The following PCDH20 variants were observed in gnomAD, a reference collection of about 807,000 sequenced individuals.
The protein encoded by PCDH20 is protocadherin-20.
In PCDH20, 18 loss-of-function variants were observed where a neutral mutation model predicts 39.7. The observed-to-expected ratio is 0.45, with a 90% CI of 0.31 to 0.67. The LOEUF is 0.67. PCDH20 is among the 30% of genes least tolerant of loss of function. The pLI, the probability that PCDH20 is intolerant of heterozygous loss-of-function variation, is 0.05. For missense variants in PCDH20, 1,161 were observed against 1,167.4 expected (o/e 0.99, Z 0.08); for synonymous variants, 495 against 455.4 (o/e 1.09, Z -1.11).
chr13:61,415,135 G>T, exon 1 of PCDH20: 2 of 1,491,206 alleles, frequency 1.3e-6, no homozygotes, highest in Admixed American at 2.2e-5. Flanking sequence ...CCTGTGAGCT[G>T]CGCGCATTCC....
chr13:61,413,949 G>A, exon 2 of PCDH20: 1 of 1,607,452 alleles, frequency 6.2e-7, no homozygotes, highest in Non-Finnish European at 8.5e-7. Flanking sequence ...CCACGAAGAG[G>A]AAAAACAGAA....
chr13:61,413,578 T>G (rs1490583737), exon 2 of PCDH20: 2 of 1,613,570 alleles, frequency 1.2e-6, no homozygotes, highest in Non-Finnish European at 1.7e-6. Flanking sequence ...AAGACAAGAG[T>G]CAGAAGGAGA....
chr13:61,413,713 T>G (rs558635709), exon 2 of PCDH20: 2 of 1,613,948 alleles, frequency 1.2e-6, no homozygotes, highest in East Asian at 2.2e-5. Context: ...GGTCACGTAC[T>G]GGCCACTCAG....
exon 2 of PCDH20, chr13:61,410,986 C>T (rs1201420284): frequency 4.3e-6 from 1 of 232,348 alleles, no homozygotes; most frequent in East Asian, 8.3e-5. Context: ...ATGAAAGCTG[C>T]AAACCATGTC....
exon 2 of PCDH20, chr13:61,411,856 T>C: frequency 6.2e-7 from 1 of 1,614,040 alleles, no homozygotes. Flanking sequence ...ATAAGACATA[T>C]TAGACTGAGG....
Position 61,412,229 on chromosome 13 carries a change from TG to T in PCDH20, c.1869del (p.Thr624LeufsTer37). ...TTATCCAACACTGTGAGGGCCACAG[TG>T]GCTACTGATTCTCTGGGTGGCTTCC... On this transcript the variant is annotated frameshift_variant, in exon 2 of 2. Coordinates refer to ENST00000409204, the Ensembl canonical transcript of PCDH20. LOFTEE classifies it low-confidence loss of function (END_TRUNC). 3 of 1,614,172 alleles carry T rather than the reference TG, an allele frequency of 1.9e-6. No homozygotes were observed. Among genetic ancestry groups the T allele is most frequent in the Non-Finnish European group, 2.5e-6 (3 of 1,180,012 alleles).
exon 2 of PCDH20, chr13:61,413,454 C>G (rs201107730): frequency 6.2e-7 from 1 of 1,614,002 alleles, no homozygotes; most frequent in East Asian, 2.2e-5. Flanking sequence ...GGACCCACAC[C>G]GAGATCTGGG....
chr13:61,410,343 A>G (rs1053177082), exon 2 of PCDH20: 1 of 152,160 alleles, frequency 6.6e-6, no homozygotes, highest in African/African-American at 2.4e-5. Flanking sequence ...AGTCTAATAT[A>G]TAACCCAAGT....
chr13:61,414,007 G>A, intron 1 of PCDH20, 41 bp from the exon 2 acceptor site: 3 of 1,518,660 alleles, frequency 2.0e-6, no homozygotes, highest in Non-Finnish European at 2.7e-6. Context: ...ACACACACGG[G>A]GAAATAGGGG....
At chr13:61,413,148 G>A in exon 2 of PCDH20, 1 of 1,614,140 alleles carries the variant, frequency 6.2e-7, no homozygotes, top group Non-Finnish European at 8.5e-7. Flanking sequence ...TGAAGAGAGG[G>A]CAATTGTCAT....
exon 2 of PCDH20, chr13:61,411,924 T>C (rs1266919914): frequency 6.2e-7 from 1 of 1,613,986 alleles, no homozygotes; most frequent in East Asian, 2.2e-5. Flanking sequence ...TGATTTTTGC[T>C]GTAGAGGAGA....
exon 2 of PCDH20, chr13:61,411,778 G>C: frequency 2.5e-6 from 4 of 1,614,202 alleles, no homozygotes; most frequent in Non-Finnish European, 3.4e-6. Flanking sequence ...ATTCATGCCT[G>C]TGTCTTTGTC....
At chr13:61,413,483 C>A (rs950627781) in exon 2 of PCDH20, 2 of 1,613,810 alleles carry the variant, frequency 1.2e-6, no homozygotes, top group Non-Finnish European at 1.7e-6. Context: ...AACTGCGGGG[C>A]GTTGTCATTG....
At chr13:61,413,409 T>C (rs1266668462) in exon 2 of PCDH20, 1 of 1,614,048 alleles carries the variant, frequency 6.2e-7, no homozygotes, top group Non-Finnish European at 8.5e-7. Context: ...CAGGATGCTC[T>C]ATGGCCAGTC....
exon 1 of PCDH20, chr13:61,415,216 T>A: frequency 7.7e-7 from 1 of 1,303,146 alleles, no homozygotes; most frequent in Non-Finnish European, 9.9e-7. Context: ...AGACACTCCC[T>A]CTCGGTTCAT....
exon 2 of PCDH20, chr13:61,411,016 T>A (rs963837725): frequency 1.7e-5 from 5 of 292,296 alleles, no homozygotes; most frequent in Admixed American, 4.7e-5. Context: ...TTTTTTTTTT[T>A]AAATACAAGT....
chr13:61,409,916 T>G (rs1019575636), exon 2 of PCDH20: 2 of 152,098 alleles, frequency 1.3e-5, no homozygotes, highest in South Asian at 2.1e-4. Context: ...ACAGTACAGA[T>G]GCATGATGCC....
At chr13:61,414,986 A>C (rs767352814) in intron 1 of PCDH20, 41 bp downstream of exon 1, 192 of 1,375,922 alleles carry the variant, frequency 1.4e-4, no homozygotes, top group Non-Finnish European at 1.6e-4. Flanking sequence ...ACAATACTGC[A>C]ACTTGTCGGG....
At chr13:61,412,542 C>T (rs1878268737) in exon 2 of PCDH20, 1 of 1,613,750 alleles carries the variant, frequency 6.2e-7, no homozygotes, top group South Asian at 1.1e-5. Context: ...CTTTAATGAC[C>T]CTTTTGACAT....
Sources: gnomAD v4.1 joint callset for allele counts on GRCh38, gnomAD v4.1.1 for gene constraint, MANE v1.5 for transcripts, NCBI Gene and HGNC (gene_info 2026-07-23, HGNC 2026-07-21) for gene names.